MMD2: variants seen among roughly 807,000 people sequenced by gnomAD.
The protein encoded by MMD2 is monocyte to macrophage differentiation factor 2.
In MMD2, 30 loss-of-function variants were observed where a neutral mutation model predicts 33.5. The ratio of observed to expected loss-of-function variants is 0.90; its 90% confidence interval spans 0.67 to 1.22. The LOEUF (loss-of-function observed/expected upper bound fraction) is 1.22. MMD2 is among the 50% of genes most tolerant of loss of function. The pLI is 0.00. For synonymous variants in MMD2, 129 were observed against 123.0 expected (o/e 1.05, Z -0.32); for missense variants, 364 against 325.4 (o/e 1.12, Z -0.91).
At chr7:4,931,718 C>A (rs1562486918) in intron 1 of MMD2, among the ~76,000 whole-genome samples, 1 of 152,084 alleles carries the variant, frequency 6.6e-6, no homozygotes, top group African/African-American at 2.4e-5. Context: ...GTACATGCCA[C>A]CACACCCAGC....
chr7:4,932,804 G>A (rs1785627400), intron 1 of MMD2, among the ~76,000 whole-genome samples: 1 of 151,784 alleles, frequency 6.6e-6, no homozygotes, highest in East Asian at 1.9e-4. Context: ...TGTATTTTTA[G>A]TAGAAACAGG....
the MMD2 span, among the ~76,000 whole-genome samples, chr7:4,897,366 C>A: frequency 2.0e-5 from 3 of 151,550 alleles, no homozygotes; most frequent in African/African-American, 4.8e-5. Flanking sequence ...TTATCAAATA[C>A]TGTGTTAATA....
At chr7:4,921,576 G>A (rs556122385) in intron 2 of MMD2, among the ~76,000 whole-genome samples, 105 of 148,452 alleles carry the variant, frequency 7.1e-4, no homozygotes, top group African/African-American at 2.3e-3. Context: ...AGCTCAGATC[G>A]CGCCACTGCA....
At chr7:4,894,855 T>C in the MMD2 span, among the ~76,000 whole-genome samples, 1 of 151,806 alleles carries the variant, frequency 6.6e-6, no homozygotes, top group Non-Finnish European at 1.5e-5. The surrounding 1 kb of genome is among the most constrained non-coding windows in gnomAD (Gnocchi z 4.3). Flanking sequence ...CCCAAACAAG[T>C]TGAAGGGTAG....
chr7:4,959,006 G>C lies in MMD2; in HGVS notation c.12C>G (p.Pro4=), dbSNP rs956607241. ...TCGTCTTCTGGAAATCCAGCAGCCG[G>C]GGGGCGAACATCGCGGCGCTTCCAT... The part of the protein sequence containing the change: MFA[P]RLLDFQKTKY... The change falls in exon 1 of 7, where the codon CCC becomes CCG. Residue 4 remains proline, a synonymous_variant. Transcript: ENST00000401401. 4.7e-6 allele frequency: 6 copies of C among 1,273,592 alleles called. No homozygotes were observed. Among genetic ancestry groups the C allele is most frequent in the Admixed American group, 4.1e-5 (1 of 24,200 alleles). The allele number at this position is 1,273,592 out of a possible 1,614,324, so 78.9% of individuals were successfully genotyped here.
chr7:4,958,100 G>A (rs1583408439), intron 1 of MMD2, among the ~76,000 whole-genome samples: 1 of 152,136 alleles, frequency 6.6e-6, no homozygotes, highest in East Asian at 1.9e-4. Flanking sequence ...GTGGCAGAGG[G>A]GGAAAGGTGA....
At chr7:4,896,478 G>C in the MMD2 span, among the ~76,000 whole-genome samples, 1 of 151,930 alleles carries the variant, frequency 6.6e-6, no homozygotes. Flanking sequence ...AGACTCTGTC[G>C]CAAAAAAATT....
intron 3 of MMD2, among the ~76,000 whole-genome samples, chr7:4,916,475 C>T (rs768912399): frequency 3.7e-4 from 56 of 149,688 alleles, no homozygotes; most frequent in Non-Finnish European, 4.0e-4. Flanking sequence ...CTCCGCTTCC[C>T]GGATTCAAGC....
chr7:4,945,217 T>TCTTCTTCTC (rs968180682), intron 1 of MMD2, among the ~76,000 whole-genome samples: 2 of 145,368 alleles, frequency 1.4e-5, no homozygotes, highest in African/African-American at 5.1e-5. Context: ...TTCTTCTTCT[T>TCTTCTTCTC]CTTCTTCTTC....
At chr7:4,935,747 G>A (rs1178311023) in intron 1 of MMD2, among the ~76,000 whole-genome samples, 2 of 151,258 alleles carry the variant, frequency 1.3e-5, no homozygotes, top group Non-Finnish European at 2.9e-5. Context: ...GCTTGGCATT[G>A]TGGAGTGGTT....
At chr7:4,897,227 T>TAAAA in the MMD2 span, among the ~76,000 whole-genome samples, 10 of 117,172 alleles carry the variant, frequency 8.5e-5, no homozygotes, top group African/African-American at 2.2e-4. Flanking sequence ...GTGTTATATT[T>TAAAA]AAAAAAAAAA....
Position 4,940,312 on chromosome 7 carries a change from C to G in MMD2, c.48-14780G>C, listed in dbSNP as rs889360200. ...CCTCCCTCTCTCTCTCTGGCCTGACCCAGCTGGGGTCTATGGCCCCCAGAA... is the reference window on the plus strand; with the variant it reads ...CCTCCCTCTCTCTCTCTGGCCTGACGCAGCTGGGGTCTATGGCCCCCAGAA... On this transcript the variant is annotated intron_variant, in intron 1 of 6. Transcript: ENST00000401401. This position sits in a 1 kb window ranked among gnomAD's most constrained non-coding sequence, Gnocchi z 5.0. Among the ~76,000 whole-genome samples the G allele has an allele frequency of 6.6e-6, 1 of 152,144 alleles. No individual in the cohort carries two copies. Among genetic ancestry groups the G allele is most frequent in the African/African-American group, 2.4e-5 (1 of 41,450 alleles).
intron 1 of MMD2, among the ~76,000 whole-genome samples, chr7:4,937,769 C>G (rs1030026270): frequency 2.0e-5 from 3 of 151,656 alleles, no homozygotes; most frequent in Non-Finnish European, 4.4e-5. Context: ...CTCAGCCTCT[C>G]GAGTAGCTAG....
chr7:4,935,196 A>G (rs543111159), intron 1 of MMD2, among the ~76,000 whole-genome samples: 1 of 151,964 alleles, frequency 6.6e-6, no homozygotes, highest in Non-Finnish European at 1.5e-5. Context: ...AAAAAAAGAA[A>G]AAAAAAACTA....
Position 4,920,190 on chromosome 7 carries a change from A to G in MMD2, c.271T>C (p.Trp91Arg), listed in dbSNP as rs370505260. The G allele has an allele frequency of 1.7e-4, 261 of 1,566,322 alleles. No homozygotes were observed. The highest frequency in any genetic ancestry group is 3.3e-4 in the Middle Eastern group (2 of 6,008). The change falls in exon 3 of 7, where the codon TGG (tryptophan) becomes CGG (arginine). Residue 91 changes from tryptophan to arginine, a missense_variant. By Grantham distance (101) the Trp-to-Arg change is moderately radical (BLOSUM62 -3). Transcript: ENST00000401401. Reference sequence around the variant, plus strand: ...AGGCACCTGAGGTGGCTCTTCTTCCAGGAGATGGTGTGAAACACAGTGGAC... The same window carrying G: ...AGGCACCTGAGGTGGCTCTTCTTCCGGGAGATGGTGTGAAACACAGTGGAC... ...VVSTVFHTIS[W>R]KKSHLRMVEH...
At chr7:4,921,234 C>T (rs1785276084) in intron 2 of MMD2, among the ~76,000 whole-genome samples, 1 of 152,080 alleles carries the variant, frequency 6.6e-6, no homozygotes, top group Admixed American at 6.6e-5. Context: ...CCACTGATGT[C>T]CTGACCTCAT....
rs779834941 is a variant in MMD2, at chr7:4,916,099, G to A, written c.291-20C>T. 3.8e-5 allele frequency: 61 copies of A among 1,611,784 alleles called. No homozygotes were observed. In the East Asian group the frequency reaches 1.2e-3, roughly 33 times the overall value. On this transcript the variant is annotated intron_variant, in intron 3 of 6. Transcript: ENST00000401401. ...ACCATCCTAGGGCGGCAGAGAAGCCGGCAGTCACAGCCCCTGCACAGCAGG... is the reference window on the plus strand; with the variant it reads ...ACCATCCTAGGGCGGCAGAGAAGCCAGCAGTCACAGCCCCTGCACAGCAGG...
At chr7:4,937,632 C>T (rs1785778918) in intron 1 of MMD2, among the ~76,000 whole-genome samples, 1 of 152,092 alleles carries the variant, frequency 6.6e-6, no homozygotes, top group African/African-American at 2.4e-5. Context: ...CTTCAGCCTG[C>T]CAAGTAACTG....
At chr7:4,938,254 C>A (rs1470142950) in intron 1 of MMD2, among the ~76,000 whole-genome samples, 1 of 152,010 alleles carries the variant, frequency 6.6e-6, no homozygotes, top group Non-Finnish European at 1.5e-5. Context: ...CGTGATCCGC[C>A]CACCTCAGCC....
Sources: gnomAD v4.1 joint callset for allele counts (sites outside exome capture counted in the v4.1 genomes callset) on GRCh38, gnomAD v4.1.1 for gene constraint, Gnocchi (gnomAD v3.1) non-coding constraint, MANE v1.5 for transcripts, NCBI Gene and HGNC (gene_info 2026-07-23, HGNC 2026-07-21) for gene names.